Variants in CTNNA3 observed in about 807,000 individuals in gnomAD.
The protein encoded by CTNNA3 is catenin alpha-3.
In CTNNA3, 76 loss-of-function variants were observed where a neutral mutation model predicts 95.7. The observed-to-expected ratio is 0.79, with a 90% CI of 0.66 to 0.96. CTNNA3 has a LOEUF of 0.96. CTNNA3 is among the 40% of genes least tolerant of loss of function. CTNNA3 has a pLI of 0.00. For synonymous variants in CTNNA3, 431 were observed against 374.4 expected (o/e 1.15, Z -1.74); for missense variants, 1,191 against 1,089.8 (o/e 1.09, Z -1.31).
chr10:67,052,046 C>T (rs949616519), intron 7 of CTNNA3, among the ~76,000 whole-genome samples: 3 of 152,132 alleles, frequency 2.0e-5, no homozygotes, highest in East Asian at 3.9e-4. Flanking sequence ...TGAGCCACCA[C>T]GCCTGGCCTA....
At chr10:66,395,447 C>A (rs574954280) in intron 11 of CTNNA3, among the ~76,000 whole-genome samples, 6 of 152,022 alleles carry the variant, frequency 3.9e-5, no homozygotes, top group African/African-American at 1.4e-4. Flanking sequence ...TCTGTATCAC[C>A]CTGATTGTTT....
chr10:67,281,738 T>C (rs778420230), intron 5 of CTNNA3, among the ~76,000 whole-genome samples: 5 of 152,200 alleles, frequency 3.3e-5, no homozygotes, highest in Non-Finnish European at 7.4e-5. Context: ...ATATTATTAA[T>C]CATGAATAAT....
At chr10:67,081,685 G>A (rs1037425794) in intron 7 of CTNNA3, among the ~76,000 whole-genome samples, 4 of 152,148 alleles carry the variant, frequency 2.6e-5, no homozygotes, top group African/African-American at 9.7e-5. Flanking sequence ...ATTTTGAGTA[G>A]TTCTAGTCTC....
intron 7 of CTNNA3, among the ~76,000 whole-genome samples, chr10:66,960,848 G>A (rs1849070147): frequency 6.6e-6 from 1 of 152,138 alleles, no homozygotes; most frequent in South Asian, 2.1e-4. Flanking sequence ...TGACAGTGTT[G>A]ATAAAGCATA....
chr10:67,396,734 T>C (rs556885455), intron 5 of CTNNA3, among the ~76,000 whole-genome samples: 197 of 152,284 alleles, frequency 1.3e-3, no homozygotes, highest in African/African-American at 4.4e-3. Context: ...TCATCTTGAA[T>C]TGTAGTTTCC....
intron 17 of CTNNA3, among the ~76,000 whole-genome samples, chr10:65,960,091 C>T (rs748275482): frequency 2.0e-5 from 3 of 152,176 alleles, no homozygotes; most frequent in Non-Finnish European, 4.4e-5. Context: ...ATAGAGTGCT[C>T]ATATCTTAAT....
At chr10:66,335,939 C>T (rs1380998850) in intron 12 of CTNNA3, among the ~76,000 whole-genome samples, 2 of 152,114 alleles carry the variant, frequency 1.3e-5, no homozygotes, top group Admixed American at 6.5e-5. Context: ...GCGGGGTGCC[C>T]CTCCTCCAGC....
chr10:66,279,887 G>A (rs2091463365), intron 13 of CTNNA3, among the ~76,000 whole-genome samples: 2 of 152,008 alleles, frequency 1.3e-5, no homozygotes, highest in African/African-American at 4.8e-5. Context: ...CCTGGTTTCT[G>A]TATATACAGT....
intron 3 of CTNNA3, among the ~76,000 whole-genome samples, chr10:67,595,177 CT>C (rs1439251021): frequency 6.6e-6 from 1 of 152,042 alleles, no homozygotes; most frequent in East Asian, 1.9e-4. Context: ...CTTCCATTAA[CT>C]TTGAGGTTGT....
At chr10:66,661,152 C>CA (rs56910224) in intron 9 of CTNNA3, among the ~76,000 whole-genome samples, 100,279 of 151,884 alleles carry the variant, frequency 0.66, 34,013 homozygotes, top group East Asian at 0.95. Context: ...TCACTATTTT[C>CA]ATTCTGCCAA....
At chr10:66,851,751 T>C (rs1008438016) in intron 7 of CTNNA3, among the ~76,000 whole-genome samples, 3 of 152,106 alleles carry the variant, frequency 2.0e-5, no homozygotes, top group African/African-American at 7.2e-5. Context: ...GCTGAGCAGA[T>C]GTCCAGTGCC....
At chr10:66,826,090 CA>C (rs1194630609) in intron 7 of CTNNA3, among the ~76,000 whole-genome samples, 6 of 152,132 alleles carry the variant, frequency 3.9e-5, no homozygotes, top group Non-Finnish European at 7.3e-5. Context: ...GAAGGGGTTA[CA>C]AAAGGGCACT....
rs540390087 is a variant in CTNNA3 at position 66,799,932 on chromosome 10, G to GA, written c.1048-24409dup. On this transcript the variant is annotated intron_variant, in intron 7 of 17. Transcript: ENST00000433211. Reference sequence around the variant, plus strand: ...GTTGAACACCTTTAAAGTACTTAAAGAAAAAAAAAATCCTGCCAACCAAGA... The same window carrying GA: ...GTTGAACACCTTTAAAGTACTTAAAGAAAAAAAAAAATCCTGCCAACCAAGA... 4.1e-4 allele frequency among the ~76,000 whole-genome samples: 60 copies of GA among 147,798 alleles called. 1 individual carries two copies. In the South Asian group the frequency reaches 0.01, roughly 26 times the overall value.
chr10:66,321,581 G>T (rs2092186108), intron 12 of CTNNA3, among the ~76,000 whole-genome samples: 1 of 151,802 alleles, frequency 6.6e-6, no homozygotes, highest in South Asian at 2.1e-4. Flanking sequence ...ATAATTAGTT[G>T]CATACATTTT....
intron 11 of CTNNA3, among the ~76,000 whole-genome samples, chr10:66,488,776 A>G (rs1839822705): frequency 1.3e-5 from 2 of 152,172 alleles, no homozygotes; most frequent in Admixed American, 6.5e-5. Flanking sequence ...CATAGGAGCT[A>G]GAGATTTTTT....
chr10:65,977,898 C>G (rs1048417193), intron 16 of CTNNA3, among the ~76,000 whole-genome samples: 9 of 152,132 alleles, frequency 5.9e-5, no homozygotes, highest in Non-Finnish European at 1.2e-4. Context: ...CTAGGTGTCA[C>G]TGTGAATTTC....
chr10:67,726,317 A>ATATGATATTATCTTACATATTATATAT (rs1841215790), intron 1 of CTNNA3, among the ~76,000 whole-genome samples: 1 of 66,782 alleles, frequency 1.5e-5, no homozygotes, highest in Non-Finnish European at 2.4e-5. Flanking sequence ...TACATATTAT[A>ATATGATATTATCTTACATATTATATAT]TATATTATCT....
chr10:67,500,065 A>G (rs1839179738), intron 5 of CTNNA3, among the ~76,000 whole-genome samples: 1 of 152,122 alleles, frequency 6.6e-6, no homozygotes, highest in Non-Finnish European at 1.5e-5. Context: ...TCCTGTGGGC[A>G]TTTAGTGCTA....
chr10:66,512,298 A>G (rs1840690300), intron 11 of CTNNA3, among the ~76,000 whole-genome samples: 1 of 152,070 alleles, frequency 6.6e-6, no homozygotes, highest in Non-Finnish European at 1.5e-5. Flanking sequence ...AGCAGCAAAT[A>G]GTTGGGTCTC....
Sources: allele counts gnomAD v4.1 joint callset (sites outside exome capture counted in the v4.1 genomes callset), GRCh38; gene constraint gnomAD v4.1.1; transcripts MANE v1.5; gene names NCBI Gene and HGNC (gene_info 2026-07-23, HGNC 2026-07-21).